DUS2: variants seen among roughly 807,000 people sequenced by gnomAD.
The protein encoded by DUS2 is tRNA-dihydrouridine(20) synthase [NAD(P)+]-like.
Under a neutral mutation model 71.3 loss-of-function variants are expected in DUS2, and 52 were observed. The ratio of observed to expected loss-of-function variants is 0.73; its 90% CI spans 0.58 to 0.92. The LOEUF is 0.92. Ranked by LOEUF, DUS2 falls within the 40% of genes least tolerant of loss-of-function variation. The probability of loss-of-function intolerance (pLI) is 0.00; values close to 1 mark genes in which losing one functional copy is unlikely to be tolerated. For synonymous variants in DUS2, 204 were observed against 227.8 expected, an observed-to-expected ratio of 0.90 and a Z score of 0.94; for missense variants, 558 against 622.6, an observed-to-expected ratio of 0.90 and a Z score of 1.10.
chr16:68,069,525 T>G (rs543212658), intron 10 of DUS2, among the ~76,000 whole-genome samples: 1 of 152,312 alleles, frequency 6.6e-6, no homozygotes, highest in South Asian at 2.1e-4. Flanking sequence ...GCCCTAAAAC[T>G]CATGCACAAG....
chr16:68,059,076 G>T (rs958814494), intron 7 of DUS2, among the ~76,000 whole-genome samples: 1 of 152,136 alleles, frequency 6.6e-6, no homozygotes, highest in Non-Finnish European at 1.5e-5. Context: ...AGCCAGGTAT[G>T]GTGGCAGACA....
chr16:68,075,549 T>C, intron 14 of DUS2, 45 bp downstream of exon 14: 1 of 1,569,228 alleles, frequency 6.4e-7, no homozygotes, highest in Non-Finnish European at 8.7e-7. Flanking sequence ...GCCAGCACCC[T>C]TGGGGTCCCA....
intron 1 of DUS2, 63 bp downstream of exon 1, chr16:68,023,414 T>C: frequency 1.6e-6 from 1 of 620,624 alleles, no homozygotes. Flanking sequence ...GAAGGGCGCG[T>C]CGTGGAGGCA....
chr16:68,031,384 T>G, intron 2 of DUS2, among the ~76,000 whole-genome samples: 1 of 151,068 alleles, frequency 6.6e-6, no homozygotes, highest in East Asian at 2.0e-4. Flanking sequence ...AGGATGGTCT[T>G]GATCTCTTTA....
chr16:68,075,553 G>C (rs752342206), intron 14 of DUS2, 49 bp downstream of exon 14: 1 of 1,559,340 alleles, frequency 6.4e-7, no homozygotes, highest in Non-Finnish European at 8.7e-7. Flanking sequence ...GCACCCTTGG[G>C]GTCCCACTGG....
intron 3 of DUS2, among the ~76,000 whole-genome samples, chr16:68,043,600 T>C (rs187182305): frequency 2.0e-5 from 3 of 152,346 alleles, no homozygotes; most frequent in African/African-American, 7.2e-5. Flanking sequence ...GTAGGTCATA[T>C]TCACCCAGAA....
chr16:68,046,328 A>G (rs976540528), intron 3 of DUS2, among the ~76,000 whole-genome samples: 1 of 151,948 alleles, frequency 6.6e-6, no homozygotes, highest in Non-Finnish European at 1.5e-5. Flanking sequence ...TAATTTGCTT[A>G]GGATAACGGC....
At chr16:68,070,304 GAA>G in intron 11 of DUS2, 84 bp downstream of exon 11, 1 of 1,387,184 alleles carries the variant, frequency 7.2e-7, no homozygotes, top group South Asian at 1.2e-5. Flanking sequence ...TCCCTAGAGT[GAA>G]AAGTTTTAGG....
intron 4 of DUS2, among the ~76,000 whole-genome samples, chr16:68,051,993 G>A (rs1303667784): frequency 3.3e-5 from 5 of 152,070 alleles, no homozygotes; most frequent in South Asian, 2.1e-4. Context: ...CCGCCTTCCC[G>A]GCTCAAGAGA....
intron 10 of DUS2, among the ~76,000 whole-genome samples, chr16:68,069,189 G>C (rs12925555): frequency 2.6e-5 from 4 of 152,012 alleles, no homozygotes; most frequent in African/African-American, 9.7e-5. Context: ...AGGAGTTCAA[G>C]ACCAGCCTGA....
chr16:68,029,814 A>G (rs1028192700), intron 2 of DUS2, among the ~76,000 whole-genome samples: 1 of 151,542 alleles, frequency 6.6e-6, no homozygotes, highest in Admixed American at 6.6e-5. Flanking sequence ...CCAAATTTGA[A>G]TTTTAGAGCT....
chr16:68,046,569 G>T (rs1229066030), intron 3 of DUS2, among the ~76,000 whole-genome samples: 1 of 152,014 alleles, frequency 6.6e-6, no homozygotes, highest in Non-Finnish European at 1.5e-5. Flanking sequence ...AGCCAACTGT[G>T]CCTGGCCTTA....
chr16:68,079,196 A>T lies in DUS2; in HGVS notation c.*210A>T, dbSNP rs923764935. 6.7e-6 allele frequency: 3 copies of T among 448,152 alleles called. No individual in the cohort carries two copies. The highest frequency in any genetic ancestry group is 6.0e-5 in the African/African-American group (3 of 50,144). The allele number at this position is 448,152 out of a possible 1,614,324, so 27.8% of individuals were successfully genotyped here. A position where few individuals can be genotyped will look rare whatever the true frequency, so the allele number is the denominator to read the frequency against. On this transcript the variant is annotated 3_prime_UTR_variant, in exon 17 of 17. Coordinates refer to ENST00000565263, the MANE Select transcript of DUS2 (RefSeq NM_017803.5). ...TTGGTGGATCTGAGTGACAGGGTCA[A>T]GTTCTCTTTGAAAACAGGAGCTTTT...
intron 4 of DUS2, 92 bp downstream of exon 4, chr16:68,049,642 C>A: frequency 8.2e-7 from 1 of 1,212,854 alleles, no homozygotes; most frequent in Non-Finnish European, 1.2e-6. Flanking sequence ...CAGTGTCTTG[C>A]CTGGCTTCAT....
At chr16:68,073,729 G>A (rs977045340) in intron 12 of DUS2, among the ~76,000 whole-genome samples, 29 of 152,178 alleles carry the variant, frequency 1.9e-4, no homozygotes, top group African/African-American at 6.3e-4. Context: ...GATTACAGGC[G>A]TGAGCCACCG....
At position 68,079,001 on chromosome 16, in the gene DUS2, T is replaced by C. The variant is rs1567485127; in HGVS notation, c.*15T>C. 1.3e-6 allele frequency: 2 copies of C among 1,535,732 alleles called. No homozygotes were observed. On this transcript the variant is annotated 3_prime_UTR_variant, in exon 17 of 17. Coordinates refer to ENST00000565263, the MANE Select transcript of DUS2 (RefSeq NM_017803.5). ...AAGGCTGGTGACTACTCTTCCTGCC[T>C]TAGTCACCCCTCCATGGGCCTGGTG... is the stretch of plus-strand genomic sequence containing the variant.
At chr16:68,056,494 G>T in intron 7 of DUS2, 70 bp downstream of exon 7, 2 of 1,267,284 alleles carry the variant, frequency 1.6e-6, no homozygotes, top group South Asian at 2.4e-5. Flanking sequence ...ACATAACTAA[G>T]TATAGTACCT....
At chr16:68,039,741 C>CAAGG (rs113573581) in intron 3 of DUS2, among the ~76,000 whole-genome samples, 28,845 of 151,042 alleles carry the variant, frequency 0.19, 3,242 homozygotes, top group African/African-American at 0.31. Context: ...TGAAAAAAAG[C>CAAGG]AAGGAAGGGA....
chr16:68,038,296 T>C, intron 3 of DUS2, 147 bp downstream of exon 3: 1 of 1,164,386 alleles, frequency 8.6e-7, no homozygotes, highest in African/African-American at 1.6e-5. Flanking sequence ...CAAACATGTG[T>C]GACACTGATG....
Sources: gnomAD v4.1 joint callset for allele counts (sites outside exome capture counted in the v4.1 genomes callset) on GRCh38, gnomAD v4.1.1 for gene constraint, MANE v1.5 for transcripts, NCBI Gene and HGNC (gene_info 2026-07-23, HGNC 2026-07-21) for gene names.